The following PLCB4 variants were observed in gnomAD, a reference collection of about 807,000 sequenced individuals.
The protein encoded by PLCB4 is 1-phosphatidylinositol 4,5-bisphosphate phosphodiesterase beta-4.
A neutral mutation model predicts 178.8 loss-of-function variants in PLCB4; 77 were observed. The ratio of observed to expected loss-of-function variants is 0.43; its 90% CI spans 0.36 to 0.52. The LOEUF (loss-of-function observed/expected upper bound fraction) is 0.52. Among genes scored for constraint, PLCB4 ranks in the 20% least tolerant of loss-of-function variants. The pLI is 0.00. For synonymous variants in PLCB4, 496 were observed against 490.8 expected, an observed-to-expected ratio of 1.01 and a Z score of -0.14; for missense variants, 1,024 against 1,453.4, an observed-to-expected ratio of 0.70 and a Z score of 4.80.
At chr20:9,338,342 A>T (rs1376506652) in intron 6 of PLCB4, among the ~76,000 whole-genome samples, 1 of 152,246 alleles carries the variant, frequency 6.6e-6, no homozygotes, top group Admixed American at 6.5e-5. Context: ...AGGTCCTCCA[A>T]TAACTACAAT....
chr20:9,288,298 T>G (rs2094551961), intron 3 of PLCB4, among the ~76,000 whole-genome samples: 1 of 152,062 alleles, frequency 6.6e-6, no homozygotes, highest in Non-Finnish European at 1.5e-5. Flanking sequence ...AAGACTGCGT[T>G]AAGGTTTCAA....
chr20:9,194,793 A>G (rs1449201336), intron 2 of PLCB4, among the ~76,000 whole-genome samples: 6 of 152,038 alleles, frequency 3.9e-5, no homozygotes, highest in African/African-American at 1.4e-4. Flanking sequence ...TCATTCTAAT[A>G]ATATTTGCGG....
Position 9,407,970 on chromosome 20 carries a change from A to G in PLCB4, c.1701A>G (p.Val567=), listed in dbSNP as rs1243835130. 2.5e-6 allele frequency: 4 copies of G among 1,612,368 alleles called. No individual in the cohort carries two copies. The highest frequency in any genetic ancestry group is 3.4e-6 in the Non-Finnish European group (4 of 1,178,480). The change falls in exon 22 of 40, where the codon GTA becomes GTG. Residue 567 remains valine, a synonymous_variant. Coordinates refer to ENST00000378473, the MANE Select transcript of PLCB4 (RefSeq NM_001377142.1). ...EQAWMASYKY[V]GATTNIHPYL... is the part of the protein sequence containing the mutation. ...CGTGGATGGCATCTTATAAATATGTAGGTGCTACCACTAATATCCATCCAT... is the reference window on the plus strand; with the variant it reads ...CGTGGATGGCATCTTATAAATATGTGGGTGCTACCACTAATATCCATCCAT...
At chr20:9,444,395 A>G in intron 32 of PLCB4, 152 bp downstream of exon 32, 3 of 586,710 alleles carry the variant, frequency 5.1e-6, no homozygotes, top group Non-Finnish European at 9.1e-6. Context: ...TCGGTTTGGG[A>G]GTGCTTGTCA....
Position 9,408,048 on chromosome 20 carries a change from T to A in PLCB4, c.1779T>A (p.His593Gln), listed in dbSNP as rs765517974. ...AGCCTGTAAAGTTTCAAGGTTTCCATGTGGCAGAAGGTAACACCAAAGGTT... is the reference window on the plus strand; with the variant it reads ...AGCCTGTAAAGTTTCAAGGTTTCCAAGTGGCAGAAGGTAACACCAAAGGTT... ...YAQPVKFQGFHVAEERNIHYN... is the reference protein window; with the variant it reads ...YAQPVKFQGFQVAEERNIHYN... Residue 593 changes from histidine to glutamine, a missense_variant, in exon 22 of 40, where the codon CAT becomes CAA. This residue lies in a region of PLCB4 where 263 missense variants were observed against 417.4 expected (regional missense o/e 0.63). Coordinates refer to ENST00000378473, the MANE Select transcript of PLCB4 (RefSeq NM_001377142.1). 4.5e-5 allele frequency: 72 copies of A among 1,613,088 alleles called. No individual in the cohort carries two copies. The highest frequency in any genetic ancestry group is 1.6e-5 in the Non-Finnish European group (19 of 1,179,670).
chr20:9,263,525 G>T (rs1254792562), intron 3 of PLCB4, among the ~76,000 whole-genome samples: 1 of 152,126 alleles, frequency 6.6e-6, no homozygotes, highest in African/African-American at 2.4e-5. Flanking sequence ...GAGTCGCGTG[G>T]TAACAAGATA....
At chr20:9,090,831 G>T (rs1475867068) in intron 1 of PLCB4, among the ~76,000 whole-genome samples, 2 of 152,058 alleles carry the variant, frequency 1.3e-5, no homozygotes, top group African/African-American at 4.8e-5. Context: ...ATGTTTACTG[G>T]ATAAATATTT....
chr20:9,094,754 T>C (rs923274021), intron 1 of PLCB4, among the ~76,000 whole-genome samples: 56 of 152,214 alleles, frequency 3.7e-4, no homozygotes, highest in African/African-American at 1.4e-3. Flanking sequence ...GATCTATAAG[T>C]GGCCCCACCC....
At chr20:9,328,005 T>C (rs147058317) in intron 4 of PLCB4, among the ~76,000 whole-genome samples, 1 of 152,272 alleles carries the variant, frequency 6.6e-6, no homozygotes, top group East Asian at 1.9e-4. Context: ...CTGCTGCTGG[T>C]GAGTTGGTTT....
intron 25 of PLCB4, among the ~76,000 whole-genome samples, chr20:9,415,709 TC>T (rs145933725): frequency 0.044 from 6,697 of 152,288 alleles, 498 homozygotes; most frequent in African/African-American, 0.15. Context: ...ACCATCTATG[TC>T]ATTTGCAGGG....
intron 2 of PLCB4, among the ~76,000 whole-genome samples, chr20:9,130,743 G>C (rs889322030): frequency 5.3e-4 from 80 of 152,252 alleles, no homozygotes; most frequent in African/African-American, 1.9e-3. Context: ...GAAAAAATAA[G>C]CTTTTTAAAA....
rs181699878 is a variant in PLCB4 at position 9,230,128 on chromosome 20, G to T, written c.-16+12676G>T. ...TGCTTTCTTTCTTTGTCCTCACATG[G>T]TGTTTGCTGTGTACACTCACATTCC... is the stretch of plus-strand genomic sequence containing the variant. On this transcript the variant is annotated intron_variant, in intron 3 of 39. Coordinates refer to ENST00000378473, the MANE Select transcript of PLCB4 (RefSeq NM_001377142.1). 5.3e-5 allele frequency among the ~76,000 whole-genome samples: 8 copies of T among 152,176 alleles called. No individual in the cohort carries two copies. The East Asian group carries it at 1.4e-3, about 26-fold the overall frequency.
At chr20:9,450,969 A>C (rs1226322346) in intron 32 of PLCB4, among the ~76,000 whole-genome samples, 3 of 152,120 alleles carry the variant, frequency 2.0e-5, no homozygotes, top group Non-Finnish European at 4.4e-5. Flanking sequence ...TTTCTAATAA[A>C]GACATTGAGG....
intron 3 of PLCB4, among the ~76,000 whole-genome samples, chr20:9,280,779 C>CTT (rs2094488225): frequency 6.6e-6 from 1 of 151,764 alleles, no homozygotes; most frequent in African/African-American, 2.4e-5. Flanking sequence ...GTAAATCCAG[C>CTT]TATTAAATCC....
chr20:9,251,795 G>T (rs1471560105), intron 3 of PLCB4, among the ~76,000 whole-genome samples: 2 of 152,000 alleles, frequency 1.3e-5, no homozygotes, highest in Non-Finnish European at 2.9e-5. Context: ...CATAATGCTA[G>T]CCACATACAT....
At chr20:9,256,070 A>T (rs917391525) in intron 3 of PLCB4, among the ~76,000 whole-genome samples, 1 of 152,336 alleles carries the variant, frequency 6.6e-6, no homozygotes, top group East Asian at 1.9e-4. Flanking sequence ...CATCTCTATT[A>T]TGGTCAAGCA....
At chr20:9,476,288 G>GT (rs1603117431) in intron 38 of PLCB4, among the ~76,000 whole-genome samples, 2 of 149,596 alleles carry the variant, frequency 1.3e-5, no homozygotes, top group East Asian at 4.2e-4. Flanking sequence ...TCCTACTTGA[G>GT]TTTTTTCATA....
intron 2 of PLCB4, among the ~76,000 whole-genome samples, chr20:9,108,902 AG>A (rs2091474085): frequency 8.9e-5 from 1 of 11,296 alleles, no homozygotes; most frequent in Non-Finnish European, 1.3e-4. Context: ...AGAAAACAAG[AG>A]AGAGAGAGAG....
chr20:9,103,776 A>G (rs2091266947), intron 2 of PLCB4, among the ~76,000 whole-genome samples: 1 of 152,152 alleles, frequency 6.6e-6, no homozygotes, highest in Non-Finnish European at 1.5e-5. Flanking sequence ...GTAAATAACT[A>G]TTTCTATCTA....
Sources: gnomAD v4.1 joint callset for allele counts (sites outside exome capture counted in the v4.1 genomes callset) on GRCh38, gnomAD v4.1.1 for gene constraint, gnomAD v4.1.1 regional missense constraint, MANE v1.5 for transcripts, NCBI Gene and HGNC (gene_info 2026-07-23, HGNC 2026-07-21) for gene names.